Variants in TMPRSS6 observed in about 807,000 individuals in gnomAD.
The protein encoded by TMPRSS6 is transmembrane serine protease 6.
In TMPRSS6, 67 loss-of-function variants were observed where a neutral mutation model predicts 101.5. The observed-to-expected ratio is 0.66, with a 90% CI of 0.54 to 0.81. TMPRSS6 has a LOEUF of 0.81. Among genes scored for constraint, TMPRSS6 ranks in the 30% least tolerant of loss-of-function variants. The pLI, the probability that TMPRSS6 is intolerant of heterozygous loss-of-function variation, is 0.00. For missense variants in TMPRSS6, 1,034 were observed against 1,088.7 expected, an observed-to-expected ratio of 0.95 and a Z score of 0.71; for synonymous variants, 453 against 464.9, an observed-to-expected ratio of 0.97 and a Z score of 0.33.
intron 13 of TMPRSS6, 104 bp from the exon 14 acceptor site, chr22:37,071,136 A>T: frequency 9.9e-7 from 1 of 1,011,118 alleles, no homozygotes; most frequent in Admixed American, 1.9e-5. Flanking sequence ...AAGAGCCAGG[A>T]GGTGACTAGA....
Position 37,084,417 on chromosome 22 carries a change from A to C in TMPRSS6, c.1087-13T>G. 1 of 1,603,268 alleles carries C rather than the reference A, an allele frequency of 6.2e-7. No homozygotes were observed. The highest frequency in any genetic ancestry group is 8.5e-7 in the Non-Finnish European group (1 of 1,173,622). On this transcript the variant is annotated splice_polypyrimidine_tract_variant and intron_variant, in intron 9 of 17. Transcript: ENST00000676104. ...CCAGAGAGGGCACCTGGGAGGGAGGAGCGGGCCATCAGGTGGCCCATGGGG... is the reference window on the plus strand; with the variant it reads ...CCAGAGAGGGCACCTGGGAGGGAGGCGCGGGCCATCAGGTGGCCCATGGGG...
In TMPRSS6 at chr22:37,069,256, G is replaced by A. The variant is rs762080171; in HGVS notation, c.1930C>T (p.Arg644Cys). ...TCGTGGTACGGGTGCAGGAGCAGGC[G>A]GCTCACCTTGAAGGACACCTCTCCA... The part of the protein sequence containing the change: ...WPGEVSFKVS[R>C]LLLHPYHEED... Residue 644 changes from arginine (R) to cysteine (C), a missense_variant, in exon 16 of 18, where the codon CGC (arginine) becomes TGC (cysteine). Transcript: ENST00000676104. The surrounding 1 kb of genome is among the most constrained non-coding windows in gnomAD (Gnocchi z 4.8). 1.9e-6 allele frequency: 3 copies of A among 1,611,580 alleles called. No individual in the cohort carries two copies. The highest frequency in any genetic ancestry group is 3.3e-5 in the Admixed American group (2 of 59,936).
rs1212098887 is a variant in TMPRSS6 at position 37,070,978 on chromosome 22, T to C, written c.1610A>G (p.Lys537Arg). ...CCGCCCATCACACTGCGGGTTGGGC[T>C]TCTTCACGCAGCTCCGGTCCTCACA... ...FQCEDRSCVK[K>R]PNPQCDGRPD... The change falls in exon 14 of 18, where the codon AAG (lysine) becomes AGG (arginine). Residue 537 changes from lysine (K) to arginine (R), a missense_variant. By Grantham distance (26) the Lys-to-Arg change is conservative. Coordinates refer to ENST00000676104, the MANE Select transcript of TMPRSS6 (RefSeq NM_001374504.1). 6.2e-7 allele frequency: 1 copy of C among 1,613,204 alleles called. No individual in the cohort carries two copies. The highest frequency in any genetic ancestry group is 2.2e-5 in the East Asian group (1 of 44,834).
intron 7 of TMPRSS6, among the ~76,000 whole-genome samples, chr22:37,086,824 G>A (rs112165669): frequency 0.029 from 4,369 of 152,206 alleles, 69 homozygotes; most frequent in African/African-American, 0.039. Flanking sequence ...TTCTGGCACC[G>A]CGACTCCTGG....
intron 10 of TMPRSS6, among the ~76,000 whole-genome samples, chr22:37,078,885 G>T (rs1379752261): frequency 7.0e-6 from 1 of 143,750 alleles, no homozygotes; most frequent in Non-Finnish European, 1.5e-5. Flanking sequence ...GGAGAAGAAG[G>T]GAAAAGGAGA....
chr22:37,067,536 C>T (rs147861801), intron 16 of TMPRSS6, among the ~76,000 whole-genome samples: 5 of 152,158 alleles, frequency 3.3e-5, no homozygotes. Flanking sequence ...CTTCTTGTCC[C>T]CCACCTCTGT....
Position 37,069,180 on chromosome 22 carries a change from A to AC in TMPRSS6, c.2005dup (p.Val669GlyfsTer84), listed in dbSNP as rs1568995801. On this transcript the variant is annotated frameshift_variant, in exon 16 of 18. Coordinates refer to ENST00000676104, the MANE Select transcript of TMPRSS6 (RefSeq NM_001374504.1). LOFTEE classifies it high-confidence loss of function. This position sits in a 1 kb window ranked among gnomAD's most constrained non-coding sequence, Gnocchi z 4.8. ...GGGGCGCACGGCGGCCGAGCGCACC[A>AC]CCGGGTGGTCGAGCTGCAGCAGCGC... The AC allele has an allele frequency of 6.3e-7, 1 of 1,593,420 alleles. No homozygotes were observed. Among genetic ancestry groups the AC allele is most frequent in the Admixed American group, 1.7e-5 (1 of 57,728 alleles).
chr22:37,066,247 G>C lies in TMPRSS6; in HGVS notation c.2251-9C>G. 1 of 1,607,070 alleles carries C rather than the reference G, an allele frequency of 6.2e-7. No individual in the cohort carries two copies. Among genetic ancestry groups the C allele is most frequent in the Non-Finnish European group, 8.5e-7 (1 of 1,176,436 alleles). Reference sequence around the variant, plus strand: ...GGACCACCTGAGTCACCCTGAAAGGGGGAAAGGAGAAAGGACTGAAGCAGG... The same window carrying C: ...GGACCACCTGAGTCACCCTGAAAGGCGGAAAGGAGAAAGGACTGAAGCAGG... On this transcript the variant is annotated splice_polypyrimidine_tract_variant and intron_variant, in intron 17 of 17. Transcript: ENST00000676104.
chr22:37,101,920 C>T lies in TMPRSS6; in HGVS notation c.202+1296G>A, dbSNP rs1216049766. Among the ~76,000 whole-genome samples, 1 of 152,324 alleles carries T rather than the reference C, an allele frequency of 6.6e-6. No homozygotes were observed. Among genetic ancestry groups the T allele is most frequent in the East Asian group, 1.9e-4 (1 of 5,194 alleles). On this transcript the variant is annotated intron_variant, in intron 2 of 17. Coordinates refer to ENST00000676104, the MANE Select transcript of TMPRSS6 (RefSeq NM_001374504.1). This position sits in a 1 kb window ranked among gnomAD's most constrained non-coding sequence, Gnocchi z 4.1. ...CTGGCTTCCTGCTGGTGGTGAAATG[C>T]ACATGGCGTCTACTGCCTGCGTTGC... is the stretch of plus-strand genomic sequence containing the variant.
intron 1 of TMPRSS6, among the ~76,000 whole-genome samples, chr22:37,104,593 G>A (rs896861964): frequency 6.6e-6 from 1 of 152,136 alleles, no homozygotes; most frequent in African/African-American, 2.4e-5. Flanking sequence ...CCCACCCACC[G>A]GGAGAGCAAA....
At chr22:37,092,232 C>A (rs1929334923) in intron 6 of TMPRSS6, among the ~76,000 whole-genome samples, 1 of 152,110 alleles carries the variant, frequency 6.6e-6, no homozygotes, top group Non-Finnish European at 1.5e-5. Context: ...CTCCCCCAGC[C>A]TTTGCCCCTG....
chr22:37,094,556 G>GATAGATAGATAGATAGATAA (rs1363762346), intron 6 of TMPRSS6, among the ~76,000 whole-genome samples: 2 of 152,078 alleles, frequency 1.3e-5, no homozygotes, highest in Non-Finnish European at 2.9e-5. Context: ...TAGATAGATA[G>GATAGATAGATAGATAGATAA]ATAGATAGAT....
intron 6 of TMPRSS6, among the ~76,000 whole-genome samples, chr22:37,092,358 C>G (rs564381244): frequency 6.6e-6 from 1 of 152,128 alleles, no homozygotes; most frequent in African/African-American, 2.4e-5. Context: ...GTTGAGACAG[C>G]CTGTCACTCA....
Position 37,084,844 on chromosome 22 carries a change from A to G in TMPRSS6, c.974-5T>C, listed in dbSNP as rs1601545670. On this transcript the variant is annotated splice_polypyrimidine_tract_variant and splice_region_variant and intron_variant, in intron 8 of 17. Coordinates refer to ENST00000676104, the MANE Select transcript of TMPRSS6 (RefSeq NM_001374504.1). ...GCGTCAGGTTCACTTCACAGGCTGG[A>G]CCAGGAGAGCAGCTGTTACACAGGG... The G allele has an allele frequency of 1.3e-6, 2 of 1,551,154 alleles. No individual in the cohort carries two copies. The highest frequency in any genetic ancestry group is 2.0e-5 in the Admixed American group (1 of 51,046).
At chr22:37,067,422 G>A (rs1926404861) in intron 16 of TMPRSS6, among the ~76,000 whole-genome samples, 4 of 152,096 alleles carry the variant, frequency 2.6e-5, no homozygotes, top group Non-Finnish European at 1.5e-5. Flanking sequence ...AGCCGAGATC[G>A]CGCCATTGCA....
At chr22:37,095,755 C>A in intron 5 of TMPRSS6, 151 bp downstream of exon 5, 7 of 1,220,188 alleles carry the variant, frequency 5.7e-6, no homozygotes, top group Middle Eastern at 2.5e-4. Flanking sequence ...TCCTTGAATG[C>A]AATGGCACTG....
chr22:37,096,557 G>C, intron 4 of TMPRSS6, 91 bp downstream of exon 4: 1 of 1,370,446 alleles, frequency 7.3e-7, no homozygotes, highest in South Asian at 1.2e-5. Context: ...TTTGAAACAT[G>C]AAGGCATTGC....
intron 3 of TMPRSS6, among the ~76,000 whole-genome samples, chr22:37,098,133 C>T (rs1306573356): frequency 1.3e-5 from 2 of 151,900 alleles, no homozygotes; most frequent in African/African-American, 4.8e-5. Flanking sequence ...GGGGCAGGAG[C>T]GGGCCCTCAA....
chr22:37,094,848 G>A (rs1929612419), intron 6 of TMPRSS6, among the ~76,000 whole-genome samples: 1 of 152,170 alleles, frequency 6.6e-6, no homozygotes, highest in Admixed American at 6.5e-5. Context: ...CCTTGGCTCT[G>A]GGTGACAACA....
Sources: allele counts gnomAD v4.1 joint callset (sites outside exome capture counted in the v4.1 genomes callset), GRCh38; gene constraint gnomAD v4.1.1; non-coding constraint Gnocchi (gnomAD v3.1); transcripts MANE v1.5; gene names NCBI Gene and HGNC (gene_info 2026-07-23, HGNC 2026-07-21).